FGD4: variants seen among roughly 807,000 people sequenced by gnomAD.
FGD4 encodes the protein FYVE, RhoGEF and PH domain containing 4, also known as FYVE, RhoGEF and PH domain-containing protein 4.
Under a neutral mutation model 102.0 loss-of-function variants are expected in FGD4, and 42 were observed. The observed-to-expected ratio is 0.41, with a 90% CI of 0.32 to 0.53. The LOEUF (loss-of-function observed/expected upper bound fraction) is 0.53. Among genes scored for constraint, FGD4 ranks in the 20% least tolerant of loss-of-function variants. The pLI, the probability that FGD4 is intolerant of heterozygous loss-of-function variation, is 0.21. For missense variants in FGD4, 902 were observed against 1,078.2 expected (o/e 0.84, Z 2.29); for synonymous variants, 380 against 375.7 (o/e 1.01, Z -0.13).
intron 1 of FGD4, among the ~76,000 whole-genome samples, chr12:32,453,202 A>ATATATATATATATAT (rs1565748886): frequency 5.1e-5 from 6 of 117,572 alleles, no homozygotes; most frequent in South Asian, 2.7e-4. Flanking sequence ...TATATATATT[A>ATATATATATATATAT]TATATATATA....
intron 10 of FGD4, among the ~76,000 whole-genome samples, chr12:32,618,311 C>T (rs1054289041): frequency 1.8e-4 from 27 of 152,180 alleles, no homozygotes; most frequent in African/African-American, 6.5e-4. Flanking sequence ...TCTGTAGCTC[C>T]TGCAACATTC....
chr12:32,436,659 A>G (rs780830110), intron 1 of FGD4, among the ~76,000 whole-genome samples: 26 of 152,032 alleles, frequency 1.7e-4, no homozygotes, highest in Admixed American at 1.1e-3. Flanking sequence ...CTTTAATCCT[A>G]TCGTTAAAGG....
intron 1 of FGD4, among the ~76,000 whole-genome samples, chr12:32,498,308 A>C (rs1261532767): frequency 3.3e-5 from 5 of 152,194 alleles, no homozygotes; most frequent in African/African-American, 1.2e-4. Context: ...CTTTTAAAAA[A>C]TATTTGATTG....
chr12:32,569,216 T>G (rs1363085800), intron 2 of FGD4, among the ~76,000 whole-genome samples: 4 of 152,182 alleles, frequency 2.6e-5, no homozygotes. Context: ...TTCTATAATA[T>G]CCTCTTAATT....
intron 1 of FGD4, chr12:32,534,286 T>C (rs895202575): frequency 7.5e-6 from 10 of 1,326,896 alleles, no homozygotes; most frequent in Middle Eastern, 2.4e-4. Flanking sequence ...CATAAGGTCG[T>C]CCTTGGGCAG....
At chr12:32,448,106 A>G (rs528251737) in intron 1 of FGD4, among the ~76,000 whole-genome samples, 6 of 152,216 alleles carry the variant, frequency 3.9e-5, no homozygotes, top group Admixed American at 6.5e-5. Context: ...GATGCTGCAG[A>G]TGTTAACCAT....
intron 1 of FGD4, among the ~76,000 whole-genome samples, chr12:32,478,772 C>T (rs1943648222): frequency 6.6e-6 from 1 of 151,976 alleles, no homozygotes; most frequent in Non-Finnish European, 1.5e-5. Flanking sequence ...CATACCTTAC[C>T]AAGTCTGGTT....
chr12:32,411,285 C>G (rs1389517196), intron 1 of FGD4, among the ~76,000 whole-genome samples: 1 of 151,892 alleles, frequency 6.6e-6, no homozygotes, highest in Non-Finnish European at 1.5e-5. Context: ...GCCTGTAATC[C>G]CTGCACTTTG....
At chr12:32,428,172 A>G (rs1941916180) in intron 1 of FGD4, among the ~76,000 whole-genome samples, 1 of 151,920 alleles carries the variant, frequency 6.6e-6, no homozygotes, top group Non-Finnish European at 1.5e-5. Flanking sequence ...GGTCTTTACA[A>G]TTTGGTATGT....
chr12:32,625,212 G>T, intron 13 of FGD4, 144 bp downstream of exon 13: 1 of 588,634 alleles, frequency 1.7e-6, no homozygotes, highest in Non-Finnish European at 3.1e-6. Context: ...TTTCTTAGAT[G>T]AACACAATAG....
At chr12:32,579,866 C>T (rs1297748226) in intron 3 of FGD4, among the ~76,000 whole-genome samples, 1 of 152,026 alleles carries the variant, frequency 6.6e-6, no homozygotes, top group Non-Finnish European at 1.5e-5. Flanking sequence ...TTTCCTCCCT[C>T]ATCACTTTCT....
chr12:32,582,401 A>G lies in FGD4; in HGVS notation c.945A>G (p.Val315=), dbSNP rs756774860. The G allele has an allele frequency of 9.9e-6, 16 of 1,613,972 alleles. No homozygotes were observed. Among genetic ancestry groups the G allele is most frequent in the Non-Finnish European group, 1.3e-5 (15 of 1,180,058 alleles). The change falls in exon 4 of 17, where the codon GTA becomes GTG. Residue 315 remains valine (V), a synonymous_variant. Transcript: ENST00000534526. ...GAGGGGCAGAAACAGAAACCAAGGT[A>G]CAAGAGAGGGAAAATGGGGAAAGCC... ...EERGAETETK[V]QERENGESPL... is the part of the protein sequence containing the mutation.
intron 4 of FGD4, 152 bp from the exon 5 acceptor site, chr12:32,598,345 C>T (rs1370328752): frequency 5.0e-6 from 3 of 600,548 alleles, no homozygotes; most frequent in Non-Finnish European, 8.8e-6. Flanking sequence ...TTGTTCATTT[C>T]TGGTTTGACA....
intron 1 of FGD4, among the ~76,000 whole-genome samples, chr12:32,562,908 C>T (rs1944753100): frequency 6.6e-6 from 1 of 152,348 alleles, no homozygotes; most frequent in South Asian, 2.1e-4. Context: ...CATCCCGGCC[C>T]GTTCTCAATG....
intron 2 of FGD4, chr12:32,574,949 T>G (rs547107859): frequency 6.6e-6 from 1 of 152,224 alleles, no homozygotes; most frequent in South Asian, 2.1e-4. Flanking sequence ...CTACATGTTA[T>G]ATAGTATTTT....
chr12:32,555,925 A>G (rs1371472371), intron 1 of FGD4, among the ~76,000 whole-genome samples: 1 of 151,914 alleles, frequency 6.6e-6, no homozygotes, highest in Admixed American at 6.6e-5. Context: ...ATCACAGGTC[A>G]CTGCAATCTC....
chr12:32,464,774 A>G (rs1373237314), intron 1 of FGD4, among the ~76,000 whole-genome samples: 2 of 152,254 alleles, frequency 1.3e-5, no homozygotes, highest in Non-Finnish European at 2.9e-5. Context: ...TTCATAAATG[A>G]TAGAGCAAGT....
chr12:32,453,219 TA>T (rs59953384), intron 1 of FGD4, among the ~76,000 whole-genome samples: 31,162 of 109,198 alleles, frequency 0.29, 4,530 homozygotes, highest in Middle Eastern at 0.37. Context: ...TATATATATA[TA>T]ATATAGATAT....
At position 32,530,941 on chromosome 12, in the gene FGD4, G is replaced by GTTTTTTTTTT. The variant is rs768536136; in HGVS notation, c.167-33176_167-33167dup. On this transcript the variant is annotated intron_variant, in intron 1 of 16. Coordinates refer to ENST00000534526, the MANE Select transcript of FGD4 (RefSeq NM_001370298.3). ...TATGACAATCAGTTTCCTAGCTTTG[G>GTTTTTTTTTT]TTTTTTTTTTTTTTTTTTTTTTTTT... 3.7e-3 allele frequency among the ~76,000 whole-genome samples: 263 copies of GTTTTTTTTTT among 70,488 alleles called. 43 individuals are homozygous for GTTTTTTTTTT. The highest frequency in any genetic ancestry group is 0.013 in the African/African-American group (191 of 14,500). The allele number at this position is 70,488 out of a possible 152,430, so 46.2% of individuals were successfully genotyped here. A position where few individuals can be genotyped will look rare whatever the true frequency, so the allele number is the denominator to read the frequency against.
Sources: allele counts gnomAD v4.1 joint callset (sites outside exome capture counted in the v4.1 genomes callset), GRCh38; gene constraint gnomAD v4.1.1; transcripts MANE v1.5; gene names NCBI Gene and HGNC (gene_info 2026-07-23, HGNC 2026-07-21).